Variants in SUGCT observed in about 807,000 individuals in gnomAD.
SUGCT encodes succinyl-CoA:glutarate CoA-transferase.
SUGCT carries 41 observed loss-of-function variants against 55.0 expected under a neutral mutation model. That is an observed-to-expected ratio of 0.74 (90% CI 0.58 to 0.97). The LOEUF (loss-of-function observed/expected upper bound fraction) is 0.97, where lower values mean the gene tolerates loss of function less well. Among genes scored for constraint, SUGCT ranks in the 50% least tolerant of loss-of-function variants. SUGCT has a pLI of 0.00. For synonymous variants in SUGCT, 187 were observed against 200.4 expected (o/e 0.93, Z 0.56); for missense variants, 568 against 547.8 (o/e 1.04, Z -0.37).
chr7:40,690,607 G>A (rs534357880), intron 12 of SUGCT, among the ~76,000 whole-genome samples: 381 of 151,288 alleles, frequency 2.5e-3, no homozygotes, highest in African/African-American at 5.8e-3. Flanking sequence ...AAACTCTGTC[G>A]CTCAGGCTGT....
chr7:40,651,214 T>C (rs1479239493), intron 12 of SUGCT, among the ~76,000 whole-genome samples: 1 of 152,202 alleles, frequency 6.6e-6, no homozygotes, highest in Non-Finnish European at 1.5e-5. Context: ...CTACCAACAG[T>C]GTAAAAGCAT....
At chr7:40,281,956 G>T (rs1358150848) in intron 8 of SUGCT, among the ~76,000 whole-genome samples, 1 of 152,084 alleles carries the variant, frequency 6.6e-6, no homozygotes, top group East Asian at 1.9e-4. Context: ...AAGTAGCTGG[G>T]ATTATAGGCA....
intron 11 of SUGCT, among the ~76,000 whole-genome samples, chr7:40,487,527 T>C (rs1791449733): frequency 1.3e-5 from 2 of 152,150 alleles, no homozygotes; most frequent in South Asian, 2.1e-4. Flanking sequence ...ATATTTCCAT[T>C]TGGCCTAGAT....
intron 12 of SUGCT, among the ~76,000 whole-genome samples, chr7:40,563,087 T>C (rs1361645236): frequency 6.6e-6 from 1 of 152,106 alleles, no homozygotes; most frequent in East Asian, 1.9e-4. Context: ...ATCACGCACA[T>C]GCACATGCAC....
intron 8 of SUGCT, among the ~76,000 whole-genome samples, chr7:40,288,613 C>A (rs1412927322): frequency 2.6e-5 from 4 of 151,260 alleles, no homozygotes; most frequent in East Asian, 1.9e-4. Context: ...GGCTTTATTT[C>A]ATCTTTTTTG....
intron 1 of SUGCT, among the ~76,000 whole-genome samples, chr7:40,150,813 G>T (rs1251404103): frequency 6.6e-6 from 1 of 152,212 alleles, no homozygotes; most frequent in Non-Finnish European, 1.5e-5. Context: ...TCCCTGTCTT[G>T]ATGAATCGGC....
At chr7:40,954,103 G>A in the SUGCT span, among the ~76,000 whole-genome samples, 2 of 145,878 alleles carry the variant, frequency 1.4e-5, no homozygotes, top group South Asian at 4.3e-4. Flanking sequence ...GCTCCACCCA[G>A]TTCGAGCTTC....
intron 8 of SUGCT, among the ~76,000 whole-genome samples, chr7:40,277,857 G>T (rs976790915): frequency 6.6e-6 from 1 of 151,706 alleles, no homozygotes; most frequent in Non-Finnish European, 1.5e-5. Context: ...CCCCACAACA[G>T]TCCCCAGAGT....
At chr7:40,161,863 A>G (rs1383467354) in intron 1 of SUGCT, among the ~76,000 whole-genome samples, 1 of 152,074 alleles carries the variant, frequency 6.6e-6, no homozygotes, top group Admixed American at 6.6e-5. Flanking sequence ...AATTGGTACC[A>G]TTTTGTACCC....
intron 9 of SUGCT, among the ~76,000 whole-genome samples, chr7:40,379,891 T>G (rs977299052): frequency 1.3e-5 from 2 of 152,200 alleles, no homozygotes; most frequent in Non-Finnish European, 2.9e-5. Context: ...TGGTGGTAGC[T>G]TCTCAAAGCT....
chr7:40,471,778 A>G (rs980802351), intron 11 of SUGCT, among the ~76,000 whole-genome samples: 1 of 152,090 alleles, frequency 6.6e-6, no homozygotes, highest in Non-Finnish European at 1.5e-5. Flanking sequence ...AGCAACATAA[A>G]TAAATTGAAA....
chr7:40,669,375 C>T (rs1394889113), intron 12 of SUGCT, among the ~76,000 whole-genome samples: 1 of 146,892 alleles, frequency 6.8e-6, no homozygotes, highest in Non-Finnish European at 1.5e-5. Context: ...AAAAATTACT[C>T]ATCCAACCAA....
At chr7:40,765,610 G>A (rs1021917409) in intron 13 of SUGCT, among the ~76,000 whole-genome samples, 1 of 152,116 alleles carries the variant, frequency 6.6e-6, no homozygotes, top group South Asian at 2.1e-4. Context: ...AGAAAAAGAG[G>A]TTTCTAAACC....
chr7:40,708,681 T>C (rs898328446), intron 12 of SUGCT, among the ~76,000 whole-genome samples: 3 of 152,180 alleles, frequency 2.0e-5, no homozygotes, highest in Non-Finnish European at 2.9e-5. Context: ...CTCAGGTCTT[T>C]ATACTTGCTG....
chr7:40,517,922 T>C (rs1009540635), intron 12 of SUGCT, among the ~76,000 whole-genome samples: 15 of 152,070 alleles, frequency 9.9e-5, no homozygotes, highest in Admixed American at 7.2e-4. Context: ...TAATTCCAAT[T>C]ATACACCATT....
chr7:40,896,972 C>A, the SUGCT span, among the ~76,000 whole-genome samples: 3 of 152,188 alleles, frequency 2.0e-5, no homozygotes, highest in Non-Finnish European at 2.9e-5. Flanking sequence ...TACAAAGCTA[C>A]TGTAATCAAA....
intron 12 of SUGCT, among the ~76,000 whole-genome samples, chr7:40,590,976 A>G (rs939277913): frequency 2.6e-5 from 4 of 152,154 alleles, no homozygotes; most frequent in Non-Finnish European, 4.4e-5. Context: ...GCGCTGATGG[A>G]GATGTGTAGG....
chr7:40,898,238 C>CT, the SUGCT span, among the ~76,000 whole-genome samples: 5 of 152,212 alleles, frequency 3.3e-5, no homozygotes, highest in Non-Finnish European at 7.4e-5. Context: ...AGGTTTCCAG[C>CT]TTTCACTCGT....
chr7:40,749,407 T>C, intron 12 of SUGCT, 27 bp from the exon 13 acceptor site: 1 of 1,596,158 alleles, frequency 6.3e-7, no homozygotes, highest in Non-Finnish European at 8.6e-7. Flanking sequence ...TTGTAAATTA[T>C]TTTTCTCTCT....
Sources: allele counts gnomAD v4.1 joint callset (sites outside exome capture counted in the v4.1 genomes callset), GRCh38; gene constraint gnomAD v4.1.1; transcripts MANE v1.5; gene names NCBI Gene and HGNC (gene_info 2026-07-23, HGNC 2026-07-21).